The following SH3RF3 variants were observed in gnomAD, a reference collection of about 807,000 sequenced individuals.
The protein encoded by SH3RF3 is SH3 domain containing ring finger 3, also known as E3 ubiquitin-protein ligase SH3RF3.
A neutral mutation model predicts 66.3 loss-of-function variants in SH3RF3; 29 were observed. The ratio of observed to expected loss-of-function variants is 0.44; its 90% CI spans 0.33 to 0.60. The LOEUF is 0.60. Among genes scored for constraint, SH3RF3 ranks in the 20% least tolerant of loss-of-function variants. The probability of loss-of-function intolerance (pLI) is 0.04; values close to 1 mark genes in which losing one functional copy is unlikely to be tolerated. For synonymous variants in SH3RF3, 583 were observed against 532.0 expected, an observed-to-expected ratio of 1.10 and a Z score of -1.32; for missense variants, 1,194 against 1,190.9, an observed-to-expected ratio of 1.00 and a Z score of -0.04.
At position 109,347,709 on chromosome 2, in the gene SH3RF3, C is replaced by T. The variant is rs1242433545; in HGVS notation, c.609C>T (p.Tyr203=). The T allele has an allele frequency of 6.2e-7, 1 of 1,613,846 alleles. No homozygotes were observed. The highest frequency in any genetic ancestry group is 1.3e-5 in the African/African-American group (1 of 74,988). Residue 203 remains tyrosine, a synonymous_variant, in exon 2 of 10, where the codon TAC becomes TAT. Transcript: ENST00000309415. The stretch of plus-strand genomic sequence containing the variant: ...TGCTTCCCTATGGCAAGGCCCTCTA[C>T]AGCTACGAGGGGAAGGAACCTGGTG... ...PCLLPYGKAL[Y]SYEGKEPGDL...
chr2:109,315,044 C>T (rs1029657332), intron 1 of SH3RF3, among the ~76,000 whole-genome samples: 4 of 152,358 alleles, frequency 2.6e-5, no homozygotes, highest in African/African-American at 9.6e-5. Flanking sequence ...ACAGCGACCA[C>T]ATTGAAGAGC....
intron 2 of SH3RF3, among the ~76,000 whole-genome samples, chr2:109,356,889 A>G (rs1482739050): frequency 1.3e-5 from 2 of 152,090 alleles, no homozygotes; most frequent in Non-Finnish European, 2.9e-5. Context: ...CTCACTTCCC[A>G]GGCTGAGCCA....
At chr2:109,324,379 A>AAGTGG (rs1682100903) in intron 1 of SH3RF3, among the ~76,000 whole-genome samples, 1 of 152,200 alleles carries the variant, frequency 6.6e-6, no homozygotes, top group Admixed American at 6.5e-5. Flanking sequence ...CAGTTGTTCC[A>AAGTGG]AGTGGCTGCA....
At chr2:109,501,202 T>G (rs1679375411) in intron 9 of SH3RF3, among the ~76,000 whole-genome samples, 1 of 151,736 alleles carries the variant, frequency 6.6e-6, no homozygotes, top group African/African-American at 2.4e-5. Flanking sequence ...GGCAGGAGCG[T>G]GGATATGAGA....
At chr2:109,426,149 T>C (rs1006608569) in intron 5 of SH3RF3, among the ~76,000 whole-genome samples, 3 of 152,240 alleles carry the variant, frequency 2.0e-5, no homozygotes, top group African/African-American at 7.2e-5. Flanking sequence ...CCTCAAGTGA[T>C]CCGTCCGCCT....
intron 3 of SH3RF3, among the ~76,000 whole-genome samples, chr2:109,381,803 G>A (rs988683710): frequency 7.6e-4 from 115 of 151,608 alleles, no homozygotes; most frequent in Admixed American, 3.4e-3. Flanking sequence ...TTTATGGCTC[G>A]CAGGGTCTGT....
At chr2:109,404,390 G>T (rs187182976) in intron 4 of SH3RF3, among the ~76,000 whole-genome samples, 1 of 152,200 alleles carries the variant, frequency 6.6e-6, no homozygotes, top group African/African-American at 2.4e-5. Flanking sequence ...ACAGGCCAGC[G>T]CCTGGCCTCT....
chr2:109,431,858 G>A (rs981386598), intron 5 of SH3RF3, among the ~76,000 whole-genome samples: 2 of 151,700 alleles, frequency 1.3e-5, no homozygotes, highest in African/African-American at 4.9e-5. Context: ...GTGACAGGGT[G>A]AGATGCTGTT....
chr2:109,371,601 G>A lies in SH3RF3; in HGVS notation c.865G>A (p.Val289Met). The A allele has an allele frequency of 6.2e-7, 1 of 1,614,036 alleles. No individual in the cohort carries two copies. Residue 289 changes from valine to methionine, a missense_variant, in exon 3 of 10, where the codon GTG (valine) becomes ATG (methionine). Physicochemically the swap from Val to Met is conservative, Grantham distance 21. Coordinates refer to ENST00000309415, the MANE Select transcript of SH3RF3 (RefSeq NM_001099289.3). ...LTFTKDEILT[V>M]LRRVDENWAE... ...GGAACTGCAGGACGAGATTCTGACGGTGCTCAGGAGAGTGGATGAGAACTG... is the reference window on the plus strand; with the variant it reads ...GGAACTGCAGGACGAGATTCTGACGATGCTCAGGAGAGTGGATGAGAACTG...
chr2:109,195,567 A>G (rs750841941), intron 1 of SH3RF3, among the ~76,000 whole-genome samples: 1 of 152,214 alleles, frequency 6.6e-6, no homozygotes, highest in East Asian at 1.9e-4. Context: ...TAACCCTCGC[A>G]TGCTTGATGG....
intron 9 of SH3RF3, among the ~76,000 whole-genome samples, chr2:109,498,732 G>A (rs111421698): frequency 0.062 from 9,473 of 152,330 alleles, 781 homozygotes; most frequent in African/African-American, 0.19. Flanking sequence ...TGGAGCAGGT[G>A]TGCAGTAATC....
intron 1 of SH3RF3, among the ~76,000 whole-genome samples, chr2:109,330,465 C>T (rs572510400): frequency 6.6e-6 from 1 of 152,206 alleles, no homozygotes; most frequent in Admixed American, 6.5e-5. Flanking sequence ...AATAAACATT[C>T]CATCTTCCTT....
intron 8 of SH3RF3, among the ~76,000 whole-genome samples, chr2:109,485,593 A>G (rs112637424): frequency 1.3e-5 from 2 of 152,246 alleles, no homozygotes; most frequent in African/African-American, 4.8e-5. Flanking sequence ...AATGTTTTAT[A>G]GTTTTCCTGT....
At chr2:109,378,167 G>T (rs993981046) in intron 3 of SH3RF3, among the ~76,000 whole-genome samples, 1 of 152,200 alleles carries the variant, frequency 6.6e-6, no homozygotes, top group African/African-American at 2.4e-5. Context: ...TCTCTCCTCC[G>T]CAGCACCTCC....
At chr2:109,273,628 C>G (rs774012120) in intron 1 of SH3RF3, among the ~76,000 whole-genome samples, 1 of 152,188 alleles carries the variant, frequency 6.6e-6, no homozygotes, top group Non-Finnish European at 1.5e-5. Context: ...TCTGCTAGAG[C>G]TTATGGCTTC....
intron 1 of SH3RF3, among the ~76,000 whole-genome samples, chr2:109,192,519 A>G (rs1294184658): frequency 6.6e-6 from 1 of 152,190 alleles, no homozygotes; most frequent in Admixed American, 6.5e-5. Flanking sequence ...AGCCTTTCTT[A>G]TAGAGATTTG....
At chr2:109,371,297 G>A (rs1683265604) in intron 2 of SH3RF3, among the ~76,000 whole-genome samples, 2 of 152,360 alleles carry the variant, frequency 1.3e-5, no homozygotes, top group South Asian at 4.1e-4. Context: ...GGCTGAGGCA[G>A]GAGAATCGCT....
intron 1 of SH3RF3, among the ~76,000 whole-genome samples, chr2:109,249,588 C>CTTTTCTTTCTTTCTTTCTTTT (rs1187569893): frequency 1.5e-5 from 2 of 134,584 alleles, no homozygotes; most frequent in African/African-American, 6.1e-5. Flanking sequence ...TCCTTCCTTT[C>CTTTTCTTTCTTTCTTTCTTTT]CTTTCTTTCT....
chr2:109,248,065 C>T (rs557406370), intron 1 of SH3RF3, among the ~76,000 whole-genome samples: 1 of 152,304 alleles, frequency 6.6e-6, no homozygotes, highest in African/African-American at 2.4e-5. Flanking sequence ...GGCCTGGATC[C>T]AGGGAACATG....
Sources: gnomAD v4.1 joint callset for allele counts (sites outside exome capture counted in the v4.1 genomes callset) on GRCh38, gnomAD v4.1.1 for gene constraint, MANE v1.5 for transcripts, NCBI Gene and HGNC (gene_info 2026-07-23, HGNC 2026-07-21) for gene names.